Variants in COL22A1 observed in about 807,000 individuals in gnomAD.
COL22A1 encodes the protein collagen alpha-1(XXII) chain.
In COL22A1, 221 loss-of-function variants were observed where a neutral mutation model predicts 248.9. The observed-to-expected ratio is 0.89, with a 90% CI of 0.80 to 0.99. The LOEUF (loss-of-function observed/expected upper bound fraction) is 0.99. Ranked by LOEUF, COL22A1 falls within the 50% of genes least tolerant of loss-of-function variation. The probability of loss-of-function intolerance (pLI) is 0.00; values close to 1 mark genes in which losing one functional copy is unlikely to be tolerated. For missense variants in COL22A1, 2,240 were observed against 2,179.0 expected, an observed-to-expected ratio of 1.03 and a Z score of -0.56; for synonymous variants, 891 against 793.4, an observed-to-expected ratio of 1.12 and a Z score of -2.07.
intron 52 of COL22A1, among the ~76,000 whole-genome samples, chr8:138,621,227 G>C (rs1367286751): frequency 6.6e-6 from 1 of 152,220 alleles, no homozygotes; most frequent in Non-Finnish European, 1.5e-5. Context: ...GGTGGACATA[G>C]AATGAAGATG....
chr8:138,894,743 T>C (rs368500864), intron 1 of COL22A1, among the ~76,000 whole-genome samples: 1 of 152,186 alleles, frequency 6.6e-6, no homozygotes, highest in South Asian at 2.1e-4. Flanking sequence ...GACCTTAGTG[T>C]CAGCTTCACT....
chr8:138,703,197 C>T (rs1008414166), intron 31 of COL22A1, 109 bp downstream of exon 31: 10 of 1,003,518 alleles, frequency 1.0e-5, no homozygotes, highest in Non-Finnish European at 1.6e-5. Context: ...TATTGGCAAA[C>T]TCCAATAGGG....
At chr8:138,691,667 G>A (rs1826903280) in intron 35 of COL22A1, among the ~76,000 whole-genome samples, 1 of 146,374 alleles carries the variant, frequency 6.8e-6, no homozygotes, top group South Asian at 2.2e-4. Flanking sequence ...GTTTGTGGGG[G>A]TGTGTATATG....
chr8:138,613,826 T>C, intron 56 of COL22A1, 41 bp downstream of exon 56: 1 of 1,545,040 alleles, frequency 6.5e-7, no homozygotes, highest in Non-Finnish European at 9.0e-7. Flanking sequence ...TAAAAGGTCC[T>C]GTAATAACAT....
chr8:138,797,531 A>G (rs932844615), intron 11 of COL22A1, among the ~76,000 whole-genome samples: 1 of 152,190 alleles, frequency 6.6e-6, no homozygotes, highest in African/African-American at 2.4e-5. Context: ...ATTGTAAATA[A>G]CGCTGCTATA....
In COL22A1 at chr8:138,685,244, G is replaced by A. The variant is rs1467340427; in HGVS notation, c.2931C>T (p.Leu977=). The A allele has an allele frequency of 1.9e-6, 3 of 1,613,716 alleles. No individual in the cohort carries two copies. The highest frequency in any genetic ancestry group is 2.7e-5 in the African/African-American group (2 of 74,898). Residue 977 remains leucine (L), a synonymous_variant, in exon 38 of 65, where the codon CTC becomes CTT. Coordinates refer to ENST00000303045, the MANE Select transcript of COL22A1 (RefSeq NM_152888.3). ...GPRGDPGAPG[L]PGPPGKGKDG... ...CCTTCCCTTTTCCGGGTGGCCCAGGGAGCCCAGGAGCACCAGGATCTCCCC... is the reference window on the plus strand; with the variant it reads ...CCTTCCCTTTTCCGGGTGGCCCAGGAAGCCCAGGAGCACCAGGATCTCCCC...
intron 5 of COL22A1, among the ~76,000 whole-genome samples, chr8:138,829,931 T>C (rs1311439423): frequency 6.6e-6 from 1 of 152,226 alleles, no homozygotes; most frequent in Non-Finnish European, 1.5e-5. Flanking sequence ...TATGTGGGTA[T>C]ATGTGCATGT....
Position 138,883,219 on chromosome 8 carries a change from G to C in COL22A1, c.-47C>G. ...AGGCTTCTCTTGGCCAGGAAGAGAC[G>C]CTGTTAGGGTCTACAGCAGCATGGC... On this transcript the variant is annotated 5_prime_UTR_variant, in exon 2 of 65. Coordinates refer to ENST00000303045, the MANE Select transcript of COL22A1 (RefSeq NM_152888.3). The C allele has an allele frequency of 2.0e-6, 3 of 1,505,286 alleles. No homozygotes were observed. The highest frequency in any genetic ancestry group is 1.8e-6 in the Non-Finnish European group (2 of 1,106,338). 93.2% of individuals were successfully genotyped at this position (1,505,286 alleles called of 1,614,324 possible).
intron 41 of COL22A1, among the ~76,000 whole-genome samples, chr8:138,675,553 G>A (rs539074637): frequency 6.6e-6 from 1 of 152,326 alleles, no homozygotes; most frequent in South Asian, 2.1e-4. Context: ...GGTAGTTTAG[G>A]TATTCCATGG....
chr8:138,714,913 C>T (rs1180902569), intron 30 of COL22A1, among the ~76,000 whole-genome samples: 2 of 152,146 alleles, frequency 1.3e-5, no homozygotes, highest in African/African-American at 2.4e-5. Context: ...GGGGTTTTTG[C>T]TCAGCTCGTT....
At chr8:138,667,692 T>C (rs1052426833) in intron 41 of COL22A1, among the ~76,000 whole-genome samples, 2 of 152,202 alleles carry the variant, frequency 1.3e-5, no homozygotes, top group East Asian at 3.8e-4. Flanking sequence ...TTTCTCTGTA[T>C]AGAACTATTC....
chr8:138,911,156 C>G (rs1195621777), intron 1 of COL22A1, among the ~76,000 whole-genome samples: 3 of 152,224 alleles, frequency 2.0e-5, no homozygotes, highest in Non-Finnish European at 1.5e-5. Context: ...CCTAATGAAT[C>G]AATCCCTCTT....
At position 138,656,089 on chromosome 8, in the gene COL22A1, T is replaced by C. The variant is rs576518413; in HGVS notation, c.3286-145A>G. On this transcript the variant is annotated intron_variant, in intron 44 of 64. Coordinates refer to ENST00000303045, the MANE Select transcript of COL22A1 (RefSeq NM_152888.3). The stretch of plus-strand genomic sequence containing the variant: ...CGTGGGATACGGACAGCCCAGTGGA[T>C]GTCCCAAGCCTGGGAGCCACAGAAA... 3 of 674,606 alleles carry C rather than the reference T, an allele frequency of 4.4e-6. No individual in the cohort carries two copies. In the East Asian group the frequency reaches 7.9e-5, roughly 18 times the overall value. The allele number at this position is 674,606 out of a possible 1,614,324, so 41.8% of individuals were successfully genotyped here. A position where few individuals can be genotyped will look rare whatever the true frequency, so the allele number is the denominator to read the frequency against.
chr8:138,809,912 A>G (rs2131685355), intron 9 of COL22A1, among the ~76,000 whole-genome samples: 2 of 152,300 alleles, frequency 1.3e-5, no homozygotes, highest in Non-Finnish European at 2.9e-5. Flanking sequence ...GTGCCAGGCT[A>G]TGTATTAGTA....
intron 4 of COL22A1, 120 bp downstream of exon 4, chr8:138,843,963 TG>T: frequency 1.2e-6 from 1 of 856,312 alleles, no homozygotes; most frequent in Non-Finnish European, 2.0e-6. Context: ...ATCAGGACTC[TG>T]GTGAAATATG....
At chr8:138,838,346 G>A (rs1202564741) in intron 4 of COL22A1, among the ~76,000 whole-genome samples, 3 of 152,104 alleles carry the variant, frequency 2.0e-5, no homozygotes, top group Admixed American at 6.5e-5. Flanking sequence ...AGGGATGAGG[G>A]GGAGTGAGGA....
At chr8:138,714,135 A>G (rs1829247330) in intron 30 of COL22A1, among the ~76,000 whole-genome samples, 1 of 152,246 alleles carries the variant, frequency 6.6e-6, no homozygotes, top group Non-Finnish European at 1.5e-5. Flanking sequence ...TGCCAAAGGC[A>G]AGTGGCAGTC....
At chr8:138,646,089 T>G (rs1487190884) in intron 47 of COL22A1, among the ~76,000 whole-genome samples, 1 of 152,178 alleles carries the variant, frequency 6.6e-6, no homozygotes, top group Non-Finnish European at 1.5e-5. Context: ...ATTTTGGGGT[T>G]CAGATTATAC....
chr8:138,698,408 A>T (rs1564210727), intron 32 of COL22A1, among the ~76,000 whole-genome samples: 1 of 152,190 alleles, frequency 6.6e-6, no homozygotes, highest in Non-Finnish European at 1.5e-5. Context: ...CACCTGTAAG[A>T]TGGACACAGG....
Sources: allele counts gnomAD v4.1 joint callset (sites outside exome capture counted in the v4.1 genomes callset), GRCh38; gene constraint gnomAD v4.1.1; transcripts MANE v1.5; gene names NCBI Gene and HGNC (gene_info 2026-07-23, HGNC 2026-07-21).